The following MARCHF1 variants were observed in gnomAD, a reference collection of about 807,000 sequenced individuals.
The protein encoded by MARCHF1 is E3 ubiquitin-protein ligase MARCHF1.
MARCHF1 carries 40 observed loss-of-function variants against 54.2 expected under a neutral mutation model. That is an observed-to-expected ratio of 0.74 (90% confidence interval 0.57 to 0.96). MARCHF1 has a LOEUF of 0.96. Ranked by LOEUF, MARCHF1 falls within the 40% of genes least tolerant of loss-of-function variation. The pLI is 0.00. For missense variants in MARCHF1, 586 were observed against 656.5 expected (o/e 0.89, Z 1.17); for synonymous variants, 236 against 236.3 (o/e 1.00, Z 0.01).
At position 163,703,386 on chromosome 4, in the gene MARCHF1, T is replaced by C. The variant is rs112549867; in HGVS notation, c.112-2523A>G. Among the ~76,000 whole-genome samples the C allele has an allele frequency of 6.5e-3, 988 of 152,248 alleles. 7 individuals are homozygous for C. The highest frequency in any genetic ancestry group is 0.023 in the African/African-American group (945 of 41,566). ...TTTTGAAGCAAAGCACCAGAAACAT[T>C]TCCTCTCTTGGAAAACGTCCAAAGC... On this transcript the variant is annotated intron_variant, in intron 4 of 9. Coordinates refer to ENST00000514618, the MANE Select transcript of MARCHF1 (RefSeq NM_001394959.1).
chr4:163,876,381 C>CTA (rs1262129651), intron 3 of MARCHF1, among the ~76,000 whole-genome samples: 1 of 152,128 alleles, frequency 6.6e-6, no homozygotes, highest in Non-Finnish European at 1.5e-5. Flanking sequence ...CCTAATATTT[C>CTA]TAGTGAGCCA....
chr4:163,602,979 ACT>A (rs1741021593), intron 7 of MARCHF1, among the ~76,000 whole-genome samples: 1 of 152,050 alleles, frequency 6.6e-6, no homozygotes, highest in Non-Finnish European at 1.5e-5. Flanking sequence ...ACAATTAGAG[ACT>A]CTGAAAAGAA....
chr4:164,294,646 A>G (rs937185856), intron 1 of MARCHF1, among the ~76,000 whole-genome samples: 2 of 152,188 alleles, frequency 1.3e-5, no homozygotes, highest in African/African-American at 4.8e-5. Flanking sequence ...ATCGTCAATT[A>G]AGATATAAAC....
intron 2 of MARCHF1, among the ~76,000 whole-genome samples, chr4:164,049,874 A>G (rs889408832): frequency 6.6e-6 from 1 of 152,202 alleles, no homozygotes; most frequent in Non-Finnish European, 1.5e-5. Flanking sequence ...TCAAATGTAT[A>G]TATCTGTCCT....
chr4:163,617,001 A>T (rs2110945287), intron 5 of MARCHF1, among the ~76,000 whole-genome samples: 1 of 152,154 alleles, frequency 6.6e-6, no homozygotes, highest in East Asian at 1.9e-4. Flanking sequence ...TATAGACTCA[A>T]TCTAAATGGT....
At chr4:164,245,225 ATG>A (rs1560971630) in intron 1 of MARCHF1, among the ~76,000 whole-genome samples, 28 of 152,152 alleles carry the variant, frequency 1.8e-4, no homozygotes, top group Admixed American at 1.6e-3. Flanking sequence ...TACTGGCAAA[ATG>A]AATCCAGCAG....
intron 3 of MARCHF1, among the ~76,000 whole-genome samples, chr4:163,860,520 C>G (rs1749899414): frequency 6.6e-6 from 1 of 152,120 alleles, no homozygotes; most frequent in Non-Finnish European, 1.5e-5. Flanking sequence ...TCTTCCACTC[C>G]AGGCTTTTCT....
chr4:163,748,840 A>T (rs140710931), intron 4 of MARCHF1, among the ~76,000 whole-genome samples: 1 of 152,334 alleles, frequency 6.6e-6, no homozygotes, highest in East Asian at 1.9e-4. Flanking sequence ...CAGAACAAAG[A>T]AGTACATATT....
At chr4:163,922,755 C>T (rs1751458834) in intron 3 of MARCHF1, among the ~76,000 whole-genome samples, 1 of 152,088 alleles carries the variant, frequency 6.6e-6, no homozygotes, top group Non-Finnish European at 1.5e-5. Flanking sequence ...TGCTAAATGA[C>T]ACACATCAAT....
intron 2 of MARCHF1, among the ~76,000 whole-genome samples, chr4:164,102,209 A>G (rs1043809325): frequency 3.3e-5 from 3 of 90,684 alleles, no homozygotes; most frequent in Non-Finnish European, 6.8e-5. Flanking sequence ...TATCCAGGAG[A>G]ACTTCCCCAA....
At chr4:163,938,598 C>T (rs539179123) in intron 3 of MARCHF1, among the ~76,000 whole-genome samples, 1 of 152,244 alleles carries the variant, frequency 6.6e-6, no homozygotes, top group South Asian at 2.1e-4. Context: ...GAAAGATCCA[C>T]TTATTCCTTT....
chr4:163,883,451 A>G (rs1750464073), intron 3 of MARCHF1, among the ~76,000 whole-genome samples: 1 of 151,966 alleles, frequency 6.6e-6, no homozygotes, highest in Admixed American at 6.6e-5. Flanking sequence ...TAAGTTGAAA[A>G]GTTCCAGTAG....
intron 1 of MARCHF1, among the ~76,000 whole-genome samples, chr4:164,348,443 GT>G (rs1019095795): frequency 6.6e-6 from 1 of 152,094 alleles, no homozygotes; most frequent in African/African-American, 2.4e-5. Context: ...GACTCTCATG[GT>G]TTGTTCCCTT....
At chr4:163,901,132 C>T (rs955828809) in intron 3 of MARCHF1, among the ~76,000 whole-genome samples, 2 of 152,140 alleles carry the variant, frequency 1.3e-5, no homozygotes, top group Admixed American at 1.3e-4. Flanking sequence ...AGTAAAGAGA[C>T]AATCTGGGTT....
chr4:163,680,540 C>G (rs1344774044), intron 5 of MARCHF1, among the ~76,000 whole-genome samples: 1 of 152,194 alleles, frequency 6.6e-6, no homozygotes, highest in African/African-American at 2.4e-5. Context: ...GAAACATACT[C>G]TCTTTGGTGT....
chr4:163,592,797 T>G (rs1205560020), intron 7 of MARCHF1, among the ~76,000 whole-genome samples: 1 of 152,080 alleles, frequency 6.6e-6, no homozygotes, highest in Admixed American at 6.6e-5. Context: ...AGCCTAGTGG[T>G]TCAGTCTCAT....
intron 4 of MARCHF1, among the ~76,000 whole-genome samples, chr4:163,776,411 TTTG>T (rs1335753734): frequency 9.9e-5 from 15 of 151,498 alleles, no homozygotes; most frequent in Admixed American, 3.3e-4. Context: ...TATCATTTAA[TTTG>T]TTGTTGTTTA....
intron 2 of MARCHF1, among the ~76,000 whole-genome samples, chr4:164,003,881 C>G (rs1258441074): frequency 1.3e-5 from 2 of 152,082 alleles, no homozygotes; most frequent in South Asian, 4.1e-4. Context: ...AACATGGAAT[C>G]AACCCAAATG....
chr4:164,063,866 A>G (rs1372865029), intron 2 of MARCHF1, among the ~76,000 whole-genome samples: 1 of 152,060 alleles, frequency 6.6e-6, no homozygotes, highest in East Asian at 1.9e-4. Context: ...TCCAGTTCCA[A>G]TCTTCTGCAT....
Sources: gnomAD v4.1 joint callset for allele counts (sites outside exome capture counted in the v4.1 genomes callset) on GRCh38, gnomAD v4.1.1 for gene constraint, MANE v1.5 for transcripts, NCBI Gene and HGNC (gene_info 2026-07-23, HGNC 2026-07-21) for gene names.